The following NSMCE2 variants were observed in gnomAD, a reference collection of about 807,000 sequenced individuals.
NSMCE2 encodes E3 SUMO-protein ligase NSE2.
Under a neutral mutation model 23.8 loss-of-function variants are expected in NSMCE2, and 24 were observed. That is an observed-to-expected ratio of 1.01 (90% CI 0.73 to 1.42). NSMCE2 has a LOEUF of 1.42. Among genes scored for constraint, NSMCE2 ranks in the 40% most tolerant of loss-of-function variants. NSMCE2 has a pLI of 0.00. For synonymous variants in NSMCE2, 92 were observed against 94.1 expected (o/e 0.98, Z 0.13); for missense variants, 284 against 296.5 (o/e 0.96, Z 0.31).
chr8:125,167,359 T>G (rs533487033), intron 4 of NSMCE2, among the ~76,000 whole-genome samples: 1 of 151,616 alleles, frequency 6.6e-6, no homozygotes, highest in Non-Finnish European at 1.5e-5. Flanking sequence ...GTATTGAGAG[T>G]TGCATTAAAA....
At chr8:125,365,389 G>A (rs1203175135) in intron 7 of NSMCE2, among the ~76,000 whole-genome samples, 1 of 152,088 alleles carries the variant, frequency 6.6e-6, no homozygotes, top group Admixed American at 6.6e-5. Context: ...CAGCCGAGCT[G>A]CCCTCACCTC....
intron 4 of NSMCE2, among the ~76,000 whole-genome samples, chr8:125,174,251 CTGTT>C (rs1404032301): frequency 1.3e-5 from 2 of 152,036 alleles, no homozygotes; most frequent in African/African-American, 2.4e-5. Context: ...CCACTTTTGT[CTGTT>C]TGTTATAATA....
chr8:125,172,685 A>G (rs530995221), intron 4 of NSMCE2, among the ~76,000 whole-genome samples: 94 of 152,348 alleles, frequency 6.2e-4, no homozygotes, highest in African/African-American at 2.1e-3. Flanking sequence ...GAAAAAGAGA[A>G]GGGGAAATTG....
intron 5 of NSMCE2, among the ~76,000 whole-genome samples, chr8:125,267,373 G>A (rs1826969016): frequency 6.6e-6 from 1 of 152,170 alleles, no homozygotes; most frequent in South Asian, 2.1e-4. Flanking sequence ...TATGTGTAAA[G>A]GCTTTCGTTT....
At chr8:125,251,877 G>C (rs1181563002) in intron 5 of NSMCE2, among the ~76,000 whole-genome samples, 2 of 152,132 alleles carry the variant, frequency 1.3e-5, no homozygotes, top group African/African-American at 4.8e-5. Context: ...TTTCCCTACA[G>C]TATACTGCAT....
At chr8:125,213,615 CTCTTA>C (rs1824447525) in intron 5 of NSMCE2, among the ~76,000 whole-genome samples, 1 of 136,792 alleles carries the variant, frequency 7.3e-6, no homozygotes. Context: ...CTTTCCTCTT[CTCTTA>C]TTTTCTCTTT....
chr8:125,246,356 G>C (rs527527317), intron 5 of NSMCE2, among the ~76,000 whole-genome samples: 1 of 151,804 alleles, frequency 6.6e-6, no homozygotes, highest in Admixed American at 6.6e-5. Flanking sequence ...ACTAATTTTT[G>C]TATTTTTAGT....
At chr8:125,256,303 C>G (rs1826411045) in intron 5 of NSMCE2, among the ~76,000 whole-genome samples, 1 of 147,328 alleles carries the variant, frequency 6.8e-6, no homozygotes, top group Non-Finnish European at 1.5e-5. Context: ...AAAAAACTAA[C>G]TGATTATAGG....
At chr8:125,096,460 A>G (rs1008875069) in intron 1 of NSMCE2, among the ~76,000 whole-genome samples, 4 of 151,508 alleles carry the variant, frequency 2.6e-5, no homozygotes, top group Non-Finnish European at 5.9e-5. Context: ...AGTGTAACCC[A>G]TTATCTCATA....
Position 125,159,452 on chromosome 8 carries a change from A to G in NSMCE2, c.264+8175A>G, listed in dbSNP as rs182521485. ...TACAGTTGCCTACAGTATTCAGTAT[A>G]GTAACATGCTGTACAGGTTTGTAGC... On this transcript the variant is annotated intron_variant, in intron 4 of 7. Transcript: ENST00000287437. 5.9e-5 allele frequency among the ~76,000 whole-genome samples: 9 copies of G among 152,326 alleles called. No homozygotes were observed. In the South Asian group the frequency reaches 1.5e-3, roughly 25 times the overall value.
intron 3 of NSMCE2, among the ~76,000 whole-genome samples, chr8:125,146,319 C>T (rs374920309): frequency 4.6e-5 from 7 of 152,306 alleles, no homozygotes; most frequent in Non-Finnish European, 7.4e-5. Context: ...GGAGGCCTGG[C>T]GCTGCTGCTA....
chr8:125,295,225 A>G (rs1356804837), intron 5 of NSMCE2, among the ~76,000 whole-genome samples: 1 of 152,004 alleles, frequency 6.6e-6, no homozygotes, highest in African/African-American at 2.4e-5. Flanking sequence ...TTTTTCATCC[A>G]TCTCTTTACC....
At chr8:125,203,766 T>A (rs1432361595) in intron 5 of NSMCE2, among the ~76,000 whole-genome samples, 1 of 152,148 alleles carries the variant, frequency 6.6e-6, no homozygotes, top group East Asian at 1.9e-4. Context: ...AAATTTAACA[T>A]GCAAAATCTG....
chr8:125,240,290 A>G (rs1825719686), intron 5 of NSMCE2, among the ~76,000 whole-genome samples: 1 of 151,758 alleles, frequency 6.6e-6, no homozygotes, highest in South Asian at 2.1e-4. Flanking sequence ...ACCCCTGGCT[A>G]ATTTTTGTGT....
At chr8:125,273,191 C>A (rs1311752761) in intron 5 of NSMCE2, among the ~76,000 whole-genome samples, 2 of 152,160 alleles carry the variant, frequency 1.3e-5, no homozygotes, top group African/African-American at 2.4e-5. Context: ...GTGTTACAGC[C>A]TATTAAAGAC....
intron 5 of NSMCE2, among the ~76,000 whole-genome samples, chr8:125,196,914 T>C (rs1823652064): frequency 6.6e-6 from 1 of 152,234 alleles, no homozygotes; most frequent in African/African-American, 2.4e-5. Context: ...TGAGATGGTA[T>C]CTCATTGTGG....
intron 5 of NSMCE2, among the ~76,000 whole-genome samples, chr8:125,268,935 G>A (rs1279925215): frequency 6.6e-6 from 1 of 152,130 alleles, no homozygotes; most frequent in Non-Finnish European, 1.5e-5. Context: ...TTTAAAATTT[G>A]GCAGGTATTG....
At chr8:125,239,445 T>C (rs564371033) in intron 5 of NSMCE2, among the ~76,000 whole-genome samples, 14 of 151,876 alleles carry the variant, frequency 9.2e-5, no homozygotes, top group African/African-American at 1.9e-4. Context: ...CCCATCTCTA[T>C]TAAAACTACA....
At chr8:125,143,617 T>G (rs1344134337) in intron 3 of NSMCE2, among the ~76,000 whole-genome samples, 8 of 152,194 alleles carry the variant, frequency 5.3e-5, no homozygotes, top group Admixed American at 5.2e-4. Flanking sequence ...ATCCACTATA[T>G]ATAATTGGTG....
Sources: gnomAD v4.1 joint callset for allele counts (sites outside exome capture counted in the v4.1 genomes callset) on GRCh38, gnomAD v4.1.1 for gene constraint, MANE v1.5 for transcripts, NCBI Gene and HGNC (gene_info 2026-07-23, HGNC 2026-07-21) for gene names.